Variants in INSC observed in about 807,000 individuals in gnomAD.
INSC encodes INSC spindle orientation adaptor protein.
INSC carries 67 observed loss-of-function variants against 58.6 expected under a neutral mutation model. The ratio of observed to expected loss-of-function variants is 1.14; its 90% CI spans 0.94 to 1.40. The LOEUF (loss-of-function observed/expected upper bound fraction) is 1.40, where lower values mean the gene tolerates loss of function less well. Among genes scored for constraint, INSC ranks in the 40% most tolerant of loss-of-function variants. The pLI is 0.00. For synonymous variants in INSC, 262 were observed against 276.1 expected (o/e 0.95, Z 0.51); for missense variants, 714 against 692.0 (o/e 1.03, Z -0.36).
chr11:15,155,482 G>C (rs1186177834), intron 2 of INSC, among the ~76,000 whole-genome samples: 1 of 152,154 alleles, frequency 6.6e-6, no homozygotes, highest in Non-Finnish European at 1.5e-5. Context: ...TGAAGTACTG[G>C]GTGCTGTTGT....
chr11:15,229,287 A>AT (rs1428321578), intron 9 of INSC, among the ~76,000 whole-genome samples: 1 of 152,108 alleles, frequency 6.6e-6, no homozygotes, highest in Non-Finnish European at 1.5e-5. Context: ...GAATGACTAG[A>AT]TTTTGTAACA....
chr11:15,139,572 C>T (rs1652205910), intron 1 of INSC, among the ~76,000 whole-genome samples: 1 of 152,208 alleles, frequency 6.6e-6, no homozygotes, highest in Admixed American at 6.5e-5. Flanking sequence ...GAGGTGGAAC[C>T]AGTCTTTAGA....
At chr11:15,192,554 T>C (rs1850218766) in intron 6 of INSC, among the ~76,000 whole-genome samples, 1 of 152,228 alleles carries the variant, frequency 6.6e-6, no homozygotes, top group African/African-American at 2.4e-5. Flanking sequence ...TAGTGCCTAG[T>C]GCAATGCCTG....
chr11:15,234,012 T>C (rs1306634393), intron 9 of INSC, among the ~76,000 whole-genome samples: 1 of 152,156 alleles, frequency 6.6e-6, no homozygotes, highest in Non-Finnish European at 1.5e-5. Context: ...AACGCAATCT[T>C]AAAAAGTGCA....
In INSC at chr11:15,221,612, C is replaced by G. The variant is rs769209980; in HGVS notation, c.955C>G (p.Leu319Val). 2.0e-5 allele frequency: 33 copies of G among 1,613,662 alleles called. No individual in the cohort carries two copies. The highest frequency in any genetic ancestry group is 2.3e-5 in the Non-Finnish European group (27 of 1,179,874). Residue 319 changes from leucine (L) to valine (V), a missense_variant, in exon 8 of 13, where the codon CTG (leucine) becomes GTG (valine). Leu to Val is a conservative substitution (Grantham distance 32, BLOSUM62 1). Coordinates refer to ENST00000379556, the MANE Select transcript of INSC (RefSeq NM_001042536.3). ...LPVTQHLSSF[L>V]ESMEEIVTAL... ...CGTCACCCAGCACCTCAGTAGCTTC[C>G]TGGAGAGCATGGAGGAGATCGTGAC...
chr11:15,259,495 T>C, the INSC span, among the ~76,000 whole-genome samples: 1 of 152,206 alleles, frequency 6.6e-6, no homozygotes, highest in Non-Finnish European at 1.5e-5. Flanking sequence ...TCTCCTGATA[T>C]AAGAAAGAGT....
chr11:15,210,739 G>A (rs1357744189), intron 7 of INSC, among the ~76,000 whole-genome samples: 1 of 152,096 alleles, frequency 6.6e-6, no homozygotes, highest in African/African-American at 2.4e-5. Flanking sequence ...TACAGAGGTG[G>A]CACTCTCAGC....
In INSC at chr11:15,173,903, T is replaced by C. The variant is rs561662075; in HGVS notation, c.57-1838T>C. On this transcript the variant is annotated intron_variant, in intron 2 of 12. Transcript: ENST00000379556. ...ATAACTGTAAACATGAAGACATGAT[T>C]TTTTAACCTCGATAACTGGAGTCTG... Among the ~76,000 whole-genome samples the C allele has an allele frequency of 4.6e-5, 7 of 152,316 alleles. No individual in the cohort carries two copies. The South Asian group carries it at 1.2e-3, about 27-fold the overall frequency.
chr11:15,263,072 T>TAGAG, the INSC span, among the ~76,000 whole-genome samples: 1 of 152,120 alleles, frequency 6.6e-6, no homozygotes, highest in African/African-American at 2.4e-5. Flanking sequence ...AAAAATAAAA[T>TAGAG]AATTGAAATG....
Position 15,221,538 on chromosome 11 carries a change from GGGCTGAGGCTGC to G in INSC, c.887_898del (p.Glu296_Ala299del). On this transcript the variant is annotated inframe_deletion, in exon 8 of 13. Transcript: ENST00000379556. ...GACAACAGCCACTCAGAGGCCACAC[GGGCTGAGGCTGC>G]GGCTGTGGTGGCCCAGGTCACCTCC... 6.2e-7 allele frequency: 1 copy of G among 1,613,998 alleles called. No individual in the cohort carries two copies. Among genetic ancestry groups the G allele is most frequent in the South Asian group, 1.1e-5 (1 of 91,064 alleles).
In INSC at chr11:15,123,555, G is replaced by C. The variant is rs189493781; in HGVS notation, c.-46+8552G>C. ...CATTTTGGGACACCTGGCATTTGGG[G>C]TGCCTGCCAACCATGTCTGTCCCTC... On this transcript the variant is annotated intron_variant, in intron 1 of 12. Transcript: ENST00000379556. 3.0e-4 allele frequency among the ~76,000 whole-genome samples: 45 copies of C among 152,284 alleles called. 1 individual carries two copies. In the East Asian group the frequency reaches 8.1e-3, roughly 27 times the overall value.
chr11:15,235,576 T>G, intron 9 of INSC, 26 bp from the exon 10 acceptor site: 1 of 1,595,800 alleles, frequency 6.3e-7, no homozygotes, highest in Non-Finnish European at 8.6e-7. Context: ...GCTCATTTTC[T>G]GAGGTTTCTA....
At chr11:15,229,983 A>AT (rs1554926908) in intron 9 of INSC, among the ~76,000 whole-genome samples, 3 of 23,734 alleles carry the variant, frequency 1.3e-4, no homozygotes, top group African/African-American at 5.3e-4. Context: ...TATATATTAT[A>AT]TATATATATA....
chr11:15,114,995 G>C lies in INSC; in HGVS notation c.-54G>C. The C allele has an allele frequency of 1.0e-6, 1 of 985,476 alleles. No homozygotes were observed. The highest frequency in any genetic ancestry group is 1.2e-6 in the Non-Finnish European group (1 of 829,940). 61.0% of individuals were successfully genotyped at this position (985,476 alleles called of 1,614,324 possible). A position where few individuals can be genotyped will look rare whatever the true frequency, so the allele number is the denominator to read the frequency against. On this transcript the variant is annotated 5_prime_UTR_variant, in exon 1 of 13. Coordinates refer to ENST00000379556, the MANE Select transcript of INSC (RefSeq NM_001042536.3). ...GCCGCTCGCACTACCAGCCTGTCTC[G>C]CACGCTAAGTAAGTAGACAGCTCCC...
At chr11:15,188,092 G>A in intron 5 of INSC, 1 of 744,542 alleles carries the variant, frequency 1.3e-6, no homozygotes, top group Non-Finnish European at 1.6e-6. Flanking sequence ...CTGTCCCACA[G>A]TCATGCTGTG....
At chr11:15,262,553 C>G in the INSC span, among the ~76,000 whole-genome samples, 1 of 151,922 alleles carries the variant, frequency 6.6e-6, no homozygotes, top group Non-Finnish European at 1.5e-5. Flanking sequence ...GAAAGGAAAA[C>G]TGCAGGTCTT....
intron 1 of INSC, among the ~76,000 whole-genome samples, chr11:15,128,841 C>T (rs1233537906): frequency 6.6e-6 from 1 of 152,218 alleles, no homozygotes; most frequent in Non-Finnish European, 1.5e-5. Flanking sequence ...ACCGACAGTC[C>T]AGCCCTGCTG....
rs1338072566 is a variant in INSC, at chr11:15,175,917, T to A, written c.233T>A (p.Leu78His). The A allele has an allele frequency of 6.2e-7, 1 of 1,614,162 alleles. No homozygotes were observed. Among genetic ancestry groups the A allele is most frequent in the Non-Finnish European group, 8.5e-7 (1 of 1,180,004 alleles). Residue 78 changes from leucine to histidine, a missense_variant, in exon 3 of 13, where the codon CTC becomes CAC. Coordinates refer to ENST00000379556, the MANE Select transcript of INSC (RefSeq NM_001042536.3). The stretch of plus-strand genomic sequence containing the variant: ...CCTGGAGACCCCCTGCAGCTGCTGC[T>A]CAAACGGGGTTGGGTCATTAGCACA... ...PGPGDPLQLL[L>H]KRGWVISTEL...
chr11:15,254,210 G>T, the INSC span, among the ~76,000 whole-genome samples: 1 of 152,106 alleles, frequency 6.6e-6, no homozygotes, highest in Non-Finnish European at 1.5e-5. Context: ...TTGTGGGATA[G>T]AATCCATATC....
Sources: allele counts gnomAD v4.1 joint callset (sites outside exome capture counted in the v4.1 genomes callset), GRCh38; gene constraint gnomAD v4.1.1; transcripts MANE v1.5; gene names NCBI Gene and HGNC (gene_info 2026-07-23, HGNC 2026-07-21).